The following SMCHD1 variants were observed in gnomAD, a reference collection of about 807,000 sequenced individuals.
The protein encoded by SMCHD1 is structural maintenance of chromosomes flexible hinge domain-containing protein 1.
A neutral mutation model predicts 254.7 loss-of-function variants in SMCHD1; 78 were observed. The observed-to-expected ratio is 0.31, with a 90% CI of 0.26 to 0.37. SMCHD1 has a LOEUF of 0.37. Among genes scored for constraint, SMCHD1 ranks in the 10% least tolerant of loss-of-function variants. The probability of loss-of-function intolerance (pLI) is 1.00; values close to 1 mark genes in which losing one functional copy is unlikely to be tolerated. For missense variants in SMCHD1, 1,840 were observed against 2,408.1 expected, an observed-to-expected ratio of 0.76 and a Z score of 4.94; for synonymous variants, 766 against 794.9, an observed-to-expected ratio of 0.96 and a Z score of 0.61.
At chr18:2,673,602 G>A (rs1023140408) in intron 4 of SMCHD1, among the ~76,000 whole-genome samples, 5 of 151,738 alleles carry the variant, frequency 3.3e-5, no homozygotes, top group African/African-American at 9.7e-5. Flanking sequence ...GTTAACATGT[G>A]TCATATCATG....
Position 2,696,312 on chromosome 18 carries a change from C to T in SMCHD1, c.1041-720C>T, listed in dbSNP as rs190952384. On this transcript the variant is annotated intron_variant, in intron 8 of 47. Transcript: ENST00000320876. ...GTACCCATCTGTGGCCTTTTAGGAA[C>T]CCGGCCCCACAGTGAGTGGTGGGCC... Among the ~76,000 whole-genome samples, 10 of 152,280 alleles carry T rather than the reference C, an allele frequency of 6.6e-5. No individual in the cohort carries two copies. In the East Asian group the frequency reaches 1.5e-3, roughly 24 times the overall value.
At chr18:2,705,223 G>C (rs1005533775) in intron 13 of SMCHD1, among the ~76,000 whole-genome samples, 3 of 152,136 alleles carry the variant, frequency 2.0e-5, no homozygotes, top group African/African-American at 7.2e-5. Context: ...GGGAATTTCT[G>C]AATTGGAGTA....
chr18:2,709,999 A>G (rs2074631003), intron 17 of SMCHD1, among the ~76,000 whole-genome samples: 1 of 152,218 alleles, frequency 6.6e-6, no homozygotes, highest in Admixed American at 6.5e-5. Context: ...CTTTTCCTGA[A>G]TGTTTTTTCC....
rs1425187097 is a variant in SMCHD1, at chr18:2,718,259, A to C, written c.2338+24A>C. 1 of 1,610,714 alleles carries C rather than the reference A, an allele frequency of 6.2e-7. No homozygotes were observed. Among genetic ancestry groups the C allele is most frequent in the South Asian group, 1.1e-5 (1 of 90,566 alleles). On this transcript the variant is annotated intron_variant, in intron 18 of 47. Transcript: ENST00000320876. This position sits in a 1 kb window ranked among gnomAD's most constrained non-coding sequence, Gnocchi z 4.6. Reference sequence around the variant, plus strand: ...GGGTGAGTTCTTATTCTGAATGTTAAAAAATACATTGGTATTGTGTTGACT... The same window carrying C: ...GGGTGAGTTCTTATTCTGAATGTTACAAAATACATTGGTATTGTGTTGACT...
chr18:2,678,469 A>G (rs1326551843), intron 5 of SMCHD1, among the ~76,000 whole-genome samples: 1 of 151,844 alleles, frequency 6.6e-6, no homozygotes, highest in South Asian at 2.1e-4. Context: ...GGCACATGCC[A>G]CTACTCCCGG....
At chr18:2,700,965 T>A in intron 12 of SMCHD1, 47 bp downstream of exon 12, 2 of 1,382,918 alleles carry the variant, frequency 1.4e-6, no homozygotes, top group Non-Finnish European at 2.0e-6. Context: ...AATGTTTTAT[T>A]TTTAAGTAAA....
At chr18:2,658,854 A>G (rs956510583) in intron 1 of SMCHD1, among the ~76,000 whole-genome samples, 3 of 150,826 alleles carry the variant, frequency 2.0e-5, no homozygotes, top group East Asian at 1.9e-4. Flanking sequence ...GTATATGTAT[A>G]TATACATATA....
chr18:2,657,109 G>A (rs1473426378), intron 1 of SMCHD1, among the ~76,000 whole-genome samples: 2 of 152,138 alleles, frequency 1.3e-5, no homozygotes, highest in South Asian at 2.1e-4. Context: ...AAGCTGTTAA[G>A]AACACTTAGC....
Position 2,763,865 on chromosome 18 carries a change from C to T in SMCHD1, c.4719+76C>T. On this transcript the variant is annotated intron_variant, in intron 37 of 47. Transcript: ENST00000320876. The stretch of plus-strand genomic sequence containing the variant: ...TAACCACCATATTAAGACACCTTTT[C>T]TTTTGTATAGCTATGAAGATGTTCT... The T allele has an allele frequency of 2.3e-6, 3 of 1,323,212 alleles. No individual in the cohort carries two copies. In the East Asian group the frequency reaches 7.3e-5, roughly 32 times the overall value. 82.0% of individuals were successfully genotyped at this position (1,323,212 alleles called of 1,614,324 possible).
chr18:2,798,380 A>G (rs2076299002), intron 47 of SMCHD1, among the ~76,000 whole-genome samples: 1 of 152,240 alleles, frequency 6.6e-6, no homozygotes, highest in Non-Finnish European at 1.5e-5. Flanking sequence ...AGCATCAGAA[A>G]GAAAGACTCT....
rs546089195 is a variant in SMCHD1 at position 2,723,060 on chromosome 18, T to A, written c.2603+397T>A. 6.6e-5 allele frequency among the ~76,000 whole-genome samples: 10 copies of A among 152,282 alleles called. 1 individual carries two copies. Among genetic ancestry groups the A allele is most frequent in the East Asian group, 1.9e-4 (1 of 5,190 alleles). On this transcript the variant is annotated intron_variant, in intron 20 of 47. Coordinates refer to ENST00000320876, the MANE Select transcript of SMCHD1 (RefSeq NM_015295.3). ...CCTTCTGGATTTAATCCCCAATTTT[T>A]AAAAAAATGTTCTCAATCTTTTTGT... is the stretch of plus-strand genomic sequence containing the variant.
intron 45 of SMCHD1, among the ~76,000 whole-genome samples, chr18:2,791,747 G>A (rs2076170616): frequency 6.6e-6 from 1 of 152,222 alleles, no homozygotes; most frequent in South Asian, 2.1e-4. Context: ...TAGTCTCAAA[G>A]TTGAGAAGAA....
At chr18:2,669,031 T>TG (rs1236935231) in intron 3 of SMCHD1, among the ~76,000 whole-genome samples, 1 of 148,252 alleles carries the variant, frequency 6.7e-6, no homozygotes, top group African/African-American at 2.5e-5. Context: ...CATACCACCA[T>TG]GCCCAGCTAA....
intron 24 of SMCHD1, among the ~76,000 whole-genome samples, chr18:2,731,516 A>G (rs1299835821): frequency 1.3e-5 from 2 of 152,122 alleles, no homozygotes; most frequent in East Asian, 1.9e-4. Flanking sequence ...ACTTACCCCA[A>G]TGTGTTATGA....
chr18:2,798,038 C>T (rs752609973), intron 47 of SMCHD1, among the ~76,000 whole-genome samples: 3 of 152,110 alleles, frequency 2.0e-5, no homozygotes, highest in Non-Finnish European at 2.9e-5. Context: ...GGGAAGGAAC[C>T]AGCCATATAG....
intron 13 of SMCHD1, among the ~76,000 whole-genome samples, chr18:2,705,194 A>G (rs1481200973): frequency 6.6e-6 from 1 of 152,162 alleles, no homozygotes; most frequent in African/African-American, 2.4e-5. Context: ...GGTTGGGATA[A>G]ACTCTTATAG....
chr18:2,772,128 G>A, intron 40 of SMCHD1, 122 bp from the exon 41 acceptor site: 1 of 699,466 alleles, frequency 1.4e-6, no homozygotes, highest in Non-Finnish European at 2.0e-6. Flanking sequence ...TTTTAATAAT[G>A]CCTACTTACC....
At chr18:2,724,464 TA>T (rs920231379) in intron 20 of SMCHD1, among the ~76,000 whole-genome samples, 49 of 152,106 alleles carry the variant, frequency 3.2e-4, no homozygotes, top group African/African-American at 1.2e-3. Flanking sequence ...TTCAGTTTAA[TA>T]ACAGATGCCC....
chr18:2,733,782 C>T (rs1437127301), intron 25 of SMCHD1, among the ~76,000 whole-genome samples: 1 of 152,212 alleles, frequency 6.6e-6, no homozygotes, highest in Non-Finnish European at 1.5e-5. Flanking sequence ...TGTAACAGAA[C>T]TTACTGTACT....
Sources: gnomAD v4.1 joint callset for allele counts (sites outside exome capture counted in the v4.1 genomes callset) on GRCh38, gnomAD v4.1.1 for gene constraint, Gnocchi (gnomAD v3.1) non-coding constraint, MANE v1.5 for transcripts, NCBI Gene and HGNC (gene_info 2026-07-23, HGNC 2026-07-21) for gene names.